Variants in AGBL1 observed in about 807,000 individuals in gnomAD.
The protein encoded by AGBL1 is cytosolic carboxypeptidase 4.
In AGBL1, 130 loss-of-function variants were observed where a neutral mutation model predicts 118.9. That is an observed-to-expected ratio of 1.09 (90% CI 0.95 to 1.26). The LOEUF (loss-of-function observed/expected upper bound fraction) is 1.26, where lower values mean the gene tolerates loss of function less well. AGBL1 is among the 50% of genes most tolerant of loss of function. The pLI is 0.00. For synonymous variants in AGBL1, 555 were observed against 478.9 expected (o/e 1.16, Z -2.08); for missense variants, 1,584 against 1,298.1 (o/e 1.22, Z -3.38).
rs1303471726 is a variant in AGBL1, at chr15:86,775,720, A to AT, written c.3158+101290dup. 1.1e-4 allele frequency among the ~76,000 whole-genome samples: 17 copies of AT among 152,220 alleles called. No homozygotes were observed. The East Asian group carries it at 3.3e-3, about 29-fold the overall frequency. On this transcript the variant is annotated intron_variant, in intron 22 of 22. Coordinates refer to ENST00000614907, the MANE Select transcript of AGBL1 (RefSeq NM_001386094.1). ...TTACATTTTTAACTCATGCCAGAAG[A>AT]TTTTTTCCAAGCTATTACTATATTT...
In AGBL1 at chr15:86,298,305, ATATATATATAGGTAAC is replaced by A. The variant is rs1405322841; in HGVS notation, c.2374+2907_2374+2922del. ...TGGTAACTATATATATATGGTAGCT[ATATATATATAGGTAAC>A]TATATATATGGTAACTATATATATA... On this transcript the variant is annotated intron_variant, in intron 17 of 22. Transcript: ENST00000614907. 1.2e-4 allele frequency among the ~76,000 whole-genome samples: 14 copies of A among 120,000 alleles called. No individual in the cohort carries two copies. In the South Asian group the frequency reaches 2.0e-3, roughly 17 times the overall value. 78.7% of individuals were successfully genotyped at this position (120,000 alleles called of 152,430 possible). A position where few individuals can be genotyped will look rare whatever the true frequency, so the allele number is the denominator to read the frequency against.
intron 23 of AGBL1, among the ~76,000 whole-genome samples, chr15:86,948,187 CCA>C (rs1273910538): frequency 6.6e-6 from 1 of 152,078 alleles, no homozygotes; most frequent in Admixed American, 6.6e-5. Flanking sequence ...AGACCAAACA[CCA>C]CCAGACAGAC....
At chr15:86,829,326 C>G (rs991039241) in intron 22 of AGBL1, among the ~76,000 whole-genome samples, 2 of 152,240 alleles carry the variant, frequency 1.3e-5, no homozygotes, top group African/African-American at 4.8e-5. Flanking sequence ...CCGCAAGGGT[C>G]AAGTGGGCTC....
At chr15:86,748,843 G>C (rs185121018) in intron 22 of AGBL1, among the ~76,000 whole-genome samples, 1 of 151,832 alleles carries the variant, frequency 6.6e-6, no homozygotes, top group East Asian at 1.9e-4. Context: ...TATTCCTGAG[G>C]GCTCTGTTCT....
chr15:86,562,264 A>G (rs2083836269), intron 21 of AGBL1, among the ~76,000 whole-genome samples: 1 of 152,162 alleles, frequency 6.6e-6, no homozygotes, highest in Non-Finnish European at 1.5e-5. Context: ...ATTCAGTATG[A>G]TATTGGCTGT....
intron 4 of AGBL1, among the ~76,000 whole-genome samples, chr15:86,157,233 G>T (rs1296093506): frequency 6.6e-6 from 1 of 152,096 alleles, no homozygotes; most frequent in Non-Finnish European, 1.5e-5. Context: ...CCCGTATATT[G>T]ACCTGAACAC....
At chr15:86,460,080 G>A (rs2082312435) in intron 18 of AGBL1, among the ~76,000 whole-genome samples, 1 of 151,966 alleles carries the variant, frequency 6.6e-6, no homozygotes, top group African/African-American at 2.4e-5. Flanking sequence ...GTCAGATTCA[G>A]CAATAGAAGA....
chr15:86,330,490 G>A (rs180943118), intron 17 of AGBL1, among the ~76,000 whole-genome samples: 215 of 152,278 alleles, frequency 1.4e-3, no homozygotes, highest in African/African-American at 4.9e-3. Flanking sequence ...TTCCACTTAC[G>A]TGAAAATAAT....
intron 22 of AGBL1, among the ~76,000 whole-genome samples, chr15:86,835,562 G>A (rs113928577): frequency 2.6e-5 from 4 of 152,220 alleles, no homozygotes; most frequent in African/African-American, 9.6e-5. Context: ...GGTGTTTCTG[G>A]TAAGCAGGTT....
intron 20 of AGBL1, 84 bp downstream of exon 20, chr15:86,546,217 T>C (rs1362031581): frequency 1.5e-6 from 2 of 1,332,076 alleles, no homozygotes; most frequent in Non-Finnish European, 2.0e-6. Flanking sequence ...CACTCATTTA[T>C]TTAGTTTTTT....
chr15:86,431,835 A>G (rs1315527832), intron 18 of AGBL1, among the ~76,000 whole-genome samples: 1 of 152,152 alleles, frequency 6.6e-6, no homozygotes, highest in Non-Finnish European at 1.5e-5. Context: ...CACTTGGTTG[A>G]GACTCCCGGT....
At chr15:86,321,255 T>A (rs1224565604) in intron 17 of AGBL1, among the ~76,000 whole-genome samples, 1 of 152,214 alleles carries the variant, frequency 6.6e-6, no homozygotes, top group Non-Finnish European at 1.5e-5. Flanking sequence ...CTTTTTAACC[T>A]GTTAATTAAA....
intron 22 of AGBL1, among the ~76,000 whole-genome samples, chr15:86,892,085 A>C (rs1425437894): frequency 6.6e-6 from 1 of 152,170 alleles, no homozygotes. Context: ...AACTTAAGAG[A>C]AAAGCACTTG....
chr15:86,164,420 C>G (rs562506439), intron 5 of AGBL1, among the ~76,000 whole-genome samples: 2 of 152,280 alleles, frequency 1.3e-5, no homozygotes, highest in South Asian at 4.1e-4. Flanking sequence ...AGACAGATTA[C>G]TTGTCTGCGA....
At chr15:86,463,739 C>G (rs2082362469) in intron 18 of AGBL1, among the ~76,000 whole-genome samples, 1 of 152,138 alleles carries the variant, frequency 6.6e-6, no homozygotes, top group Non-Finnish European at 1.5e-5. Flanking sequence ...TGTTAAAGAT[C>G]AGATGGTTGT....
At chr15:86,857,458 G>C (rs1475081117) in intron 22 of AGBL1, among the ~76,000 whole-genome samples, 1 of 152,058 alleles carries the variant, frequency 6.6e-6, no homozygotes, top group Non-Finnish European at 1.5e-5. Context: ...GTTTTCACAT[G>C]GTCTCTCTCA....
intron 5 of AGBL1, among the ~76,000 whole-genome samples, chr15:86,189,822 A>G (rs938043019): frequency 4.6e-5 from 7 of 152,188 alleles, no homozygotes; most frequent in African/African-American, 1.7e-4. Context: ...CAACACACAA[A>G]TAGGCTAAGA....
At chr15:86,256,234 T>C (rs77827226) in intron 7 of AGBL1, among the ~76,000 whole-genome samples, 1 of 152,224 alleles carries the variant, frequency 6.6e-6, no homozygotes, top group Admixed American at 6.5e-5. Context: ...AGTATCAAAA[T>C]GTTACATCTG....
intron 24 of AGBL1, among the ~76,000 whole-genome samples, chr15:87,001,314 A>G (rs1256039355): frequency 6.6e-6 from 1 of 151,922 alleles, no homozygotes. Context: ...GCCAGAACTC[A>G]TCATTTTTAT....
Sources: allele counts gnomAD v4.1 joint callset (sites outside exome capture counted in the v4.1 genomes callset), GRCh38; gene constraint gnomAD v4.1.1; transcripts MANE v1.5; gene names NCBI Gene and HGNC (gene_info 2026-07-23, HGNC 2026-07-21).